The following IGF1R variants were observed in gnomAD, a reference collection of about 807,000 sequenced individuals.
IGF1R encodes the protein insulin like growth factor 1 receptor.
Under a neutral mutation model 144.6 loss-of-function variants are expected in IGF1R, and 44 were observed. The ratio of observed to expected loss-of-function variants is 0.30; its 90% CI spans 0.24 to 0.39. IGF1R has a LOEUF of 0.39. IGF1R is among the 10% of genes least tolerant of loss of function. The pLI is 1.00. For synonymous variants in IGF1R, 795 were observed against 722.8 expected, an observed-to-expected ratio of 1.10 and a Z score of -1.60; for missense variants, 1,355 against 1,833.7, an observed-to-expected ratio of 0.74 and a Z score of 4.77.
At chr15:98,650,031 G>T (rs2052312054) in intron 1 of IGF1R, among the ~76,000 whole-genome samples, 1 of 151,972 alleles carries the variant, frequency 6.6e-6, no homozygotes, top group Admixed American at 6.5e-5. Context: ...CCCGCACCTC[G>T]CCCCTTCCAT....
intron 1 of IGF1R, among the ~76,000 whole-genome samples, chr15:98,691,227 A>G (rs1261381030): frequency 6.6e-6 from 1 of 152,132 alleles, no homozygotes; most frequent in Admixed American, 6.5e-5. Flanking sequence ...CATTACATTT[A>G]GCTGTCTCCT....
Position 98,708,094 on chromosome 15 carries a change from C to T in IGF1R, c.627C>T (p.Asn209=). 1.2e-6 allele frequency: 2 copies of T among 1,613,294 alleles called. No homozygotes were observed. The highest frequency in any genetic ancestry group is 1.7e-6 in the Non-Finnish European group (2 of 1,179,772). ...NEYNYRCWTT[N]RCQKMCPSTC... ...ACAACTACCGCTGCTGGACCACAAA[C>T]CGCTGCCAGAAAAGTAAGAATGATG... Residue 209 remains asparagine, a synonymous_variant, in exon 2 of 21, where the codon AAC becomes AAT. Transcript: ENST00000650285.
intron 2 of IGF1R, among the ~76,000 whole-genome samples, chr15:98,829,112 G>T (rs1478625137): frequency 6.6e-6 from 1 of 152,018 alleles, no homozygotes; most frequent in African/African-American, 2.4e-5. Flanking sequence ...AAAAATAACC[G>T]CCAATTCAGA....
intron 1 of IGF1R, among the ~76,000 whole-genome samples, chr15:98,681,527 T>C (rs918861063): frequency 6.6e-6 from 1 of 152,078 alleles, no homozygotes; most frequent in African/African-American, 2.4e-5. Flanking sequence ...ATTTGCTGGA[T>C]ATGTGAGCCA....
chr15:98,955,782 G>A (rs995407299), intron 20 of IGF1R, among the ~76,000 whole-genome samples: 2 of 152,238 alleles, frequency 1.3e-5, no homozygotes, highest in Non-Finnish European at 2.9e-5. Context: ...ACACGGGCAG[G>A]TAGTCTGTGG....
intron 2 of IGF1R, among the ~76,000 whole-genome samples, chr15:98,779,692 A>C (rs1285086100): frequency 6.6e-6 from 1 of 152,212 alleles, no homozygotes; most frequent in Non-Finnish European, 1.5e-5. Flanking sequence ...ACACATTAGC[A>C]CTTGACTCGA....
chr15:98,720,920 C>A (rs531725805), intron 2 of IGF1R, among the ~76,000 whole-genome samples: 1 of 152,258 alleles, frequency 6.6e-6, no homozygotes, highest in African/African-American at 2.4e-5. Flanking sequence ...TGTGCCATGG[C>A]CAGTGATTGA....
chr15:98,776,135 A>C (rs1250927641), intron 2 of IGF1R, among the ~76,000 whole-genome samples: 1 of 151,832 alleles, frequency 6.6e-6, no homozygotes, highest in Non-Finnish European at 1.5e-5. Context: ...TGGAAGGGGC[A>C]AGAGAAATTT....
intron 2 of IGF1R, among the ~76,000 whole-genome samples, chr15:98,719,688 C>T (rs1386162704): frequency 6.6e-6 from 1 of 152,178 alleles, no homozygotes; most frequent in Non-Finnish European, 1.5e-5. Flanking sequence ...TGTCGTGCCT[C>T]CTGTGTCTTC....
At chr15:98,703,298 G>A (rs746834393) in intron 1 of IGF1R, among the ~76,000 whole-genome samples, 29 of 152,284 alleles carry the variant, frequency 1.9e-4, no homozygotes, top group Non-Finnish European at 1.3e-4. Flanking sequence ...GCCACAAAGG[G>A]TGTGTCTCTC....
At chr15:98,768,020 G>A (rs2055478417) in intron 2 of IGF1R, among the ~76,000 whole-genome samples, 2 of 152,078 alleles carry the variant, frequency 1.3e-5, no homozygotes, top group Non-Finnish European at 2.9e-5. Context: ...GCCATGAGGT[G>A]AAGCATAGGT....
In IGF1R at chr15:98,869,103, T is replaced by G. The variant is rs1319880247; in HGVS notation, c.641-22222T>G. Among the ~76,000 whole-genome samples, 3 of 152,192 alleles carry G rather than the reference T, an allele frequency of 2.0e-5. No homozygotes were observed. The East Asian group carries it at 5.8e-4, about 29-fold the overall frequency. On this transcript the variant is annotated intron_variant, in intron 2 of 20. Transcript: ENST00000650285. The stretch of plus-strand genomic sequence containing the variant: ...AGATTTTTATCCTTTTTTTCTCTTT[T>G]TCGAGGAAGGGGCAAGGAAATATTT...
chr15:98,910,667 C>T (rs2014969774), intron 6 of IGF1R, among the ~76,000 whole-genome samples: 1 of 152,248 alleles, frequency 6.6e-6, no homozygotes, highest in Non-Finnish European at 1.5e-5. Context: ...TACCCGCCAG[C>T]CAGGCTACTT....
intron 2 of IGF1R, among the ~76,000 whole-genome samples, chr15:98,861,477 C>G (rs2012154098): frequency 6.6e-6 from 1 of 152,216 alleles, no homozygotes; most frequent in Non-Finnish European, 1.5e-5. Flanking sequence ...TCTCGCAGTT[C>G]TCAGGTTAGG....
intron 2 of IGF1R, among the ~76,000 whole-genome samples, chr15:98,878,213 C>G (rs2013160824): frequency 6.6e-6 from 1 of 152,242 alleles, no homozygotes; most frequent in Non-Finnish European, 1.5e-5. Flanking sequence ...TTGGCCTCCA[C>G]TTGGTCAAAA....
intron 2 of IGF1R, among the ~76,000 whole-genome samples, chr15:98,870,708 C>G (rs559494847): frequency 6.6e-6 from 1 of 152,284 alleles, no homozygotes; most frequent in African/African-American, 2.4e-5. Flanking sequence ...CCCAGAAGCT[C>G]AAGAGTGCCC....
chr15:98,697,276 TAGTG>T, intron 1 of IGF1R, among the ~76,000 whole-genome samples: 1 of 152,270 alleles, frequency 6.6e-6, no homozygotes, highest in South Asian at 2.1e-4. Context: ...AAACATCAGA[TAGTG>T]AGAACCTGCC....
chr15:98,745,797 T>C (rs1024033487), intron 2 of IGF1R, among the ~76,000 whole-genome samples: 1 of 152,254 alleles, frequency 6.6e-6, no homozygotes, highest in Non-Finnish European at 1.5e-5. Flanking sequence ...AGAACTCTTA[T>C]ACATTGCTGT....
At chr15:98,780,109 A>G (rs1164385123) in intron 2 of IGF1R, among the ~76,000 whole-genome samples, 1 of 151,094 alleles carries the variant, frequency 6.6e-6, no homozygotes, top group African/African-American at 2.4e-5. Context: ...TTTTAAATTT[A>G]TGTAATAACA....
Sources: allele counts gnomAD v4.1 joint callset (sites outside exome capture counted in the v4.1 genomes callset), GRCh38; gene constraint gnomAD v4.1.1; transcripts MANE v1.5; gene names NCBI Gene and HGNC (gene_info 2026-07-23, HGNC 2026-07-21).